The following RELN variants were observed in gnomAD, a reference collection of about 807,000 sequenced individuals.
The protein encoded by RELN is reelin.
RELN carries 108 observed loss-of-function variants against 427.6 expected under a neutral mutation model. The observed-to-expected ratio is 0.25, with a 90% confidence interval of 0.22 to 0.30. RELN has a LOEUF of 0.30. RELN is among the 10% of genes least tolerant of loss of function. RELN has a pLI of 1.00. For synonymous variants in RELN, 1,524 were observed against 1,513.4 expected (o/e 1.01, Z -0.16); for missense variants, 3,715 against 4,302.8 (o/e 0.86, Z 3.82).
chr7:103,544,753 T>G (rs1250095785), intron 42 of RELN, among the ~76,000 whole-genome samples: 2 of 152,232 alleles, frequency 1.3e-5, no homozygotes, highest in African/African-American at 4.8e-5. Context: ...TGAGAGGCTA[T>G]TTAAGCAGTT....
At chr7:103,710,079 TG>T (rs1789755745) in intron 8 of RELN, among the ~76,000 whole-genome samples, 1 of 152,214 alleles carries the variant, frequency 6.6e-6, no homozygotes, top group African/African-American at 2.4e-5. Flanking sequence ...AATTCCAACA[TG>T]TTTGTCATAG....
chr7:103,568,162 T>C (rs1384415120), intron 31 of RELN, among the ~76,000 whole-genome samples: 1 of 152,208 alleles, frequency 6.6e-6, no homozygotes, highest in East Asian at 1.9e-4. Context: ...TTCCCTATTC[T>C]TGACTAACTA....
intron 2 of RELN, among the ~76,000 whole-genome samples, chr7:103,847,308 A>G (rs531704994): frequency 8.5e-4 from 129 of 152,244 alleles, no homozygotes; most frequent in Non-Finnish European, 3.1e-4. Flanking sequence ...CAGCAAACTA[A>G]CACAAGAACA....
chr7:103,652,646 G>C lies in RELN; in HGVS notation c.1668C>G (p.Asp556Glu). 1 of 1,612,944 alleles carries C rather than the reference G, an allele frequency of 6.2e-7. No individual in the cohort carries two copies. The highest frequency in any genetic ancestry group is 8.5e-7 in the Non-Finnish European group (1 of 1,179,290). Reference sequence around the variant, plus strand: ...GGAGAACAGGCAAGACATGGAAAAAGTCTACAGCCCAGACATTCCTATTAT... The same window carrying C: ...GGAGAACAGGCAAGACATGGAAAAACTCTACAGCCCAGACATTCCTATTAT... ...QGHNRNVWAV[D>E]FFHVLPVLPS... The change falls in exon 14 of 65, where the codon GAC (aspartate) becomes GAG (glutamate). Residue 556 changes from aspartate (D) to glutamate (E), a missense_variant. Asp to Glu is a conservative substitution (Grantham distance 45). This residue lies in a region of RELN where 2,208 missense variants were observed against 2,361.7 expected (regional missense o/e 0.93). Transcript: ENST00000428762.
intron 42 of RELN, 88 bp from the exon 43 acceptor site, chr7:103,542,966 A>T (rs202096086): frequency 7.6e-7 from 1 of 1,320,814 alleles, no homozygotes. Context: ...TAAATGCATT[A>T]TGTAGTTTCA....
At chr7:103,892,764 T>C (rs1409714101) in intron 2 of RELN, among the ~76,000 whole-genome samples, 1 of 152,176 alleles carries the variant, frequency 6.6e-6, no homozygotes, top group African/African-American at 2.4e-5. Flanking sequence ...TGGTACACTT[T>C]AAAATATCAT....
At chr7:103,635,671 A>G (rs1832564632) in intron 18 of RELN, 85 bp from the exon 19 acceptor site, 1 of 1,132,378 alleles carries the variant, frequency 8.8e-7, no homozygotes, top group Admixed American at 1.8e-5. Flanking sequence ...ATTTCAAATT[A>G]TGTTTCTACT....
At chr7:103,909,736 T>A (rs1433661203) in intron 2 of RELN, among the ~76,000 whole-genome samples, 1 of 30,778 alleles carries the variant, frequency 3.2e-5, no homozygotes, top group Admixed American at 4.4e-4. Context: ...TATTTTTTAA[T>A]ATATATAAAT....
intron 62 of RELN, 73 bp from the exon 63 acceptor site, chr7:103,483,044 G>T: frequency 8.7e-7 from 1 of 1,148,224 alleles, no homozygotes; most frequent in Non-Finnish European, 1.3e-6. Context: ...ACTTCTAGAT[G>T]TCAAATATTA....
chr7:103,682,061 C>T (rs1028725135), intron 11 of RELN, 55 bp downstream of exon 11: 1 of 1,527,134 alleles, frequency 6.5e-7, no homozygotes, highest in African/African-American at 1.4e-5. Flanking sequence ...AAAACACGTC[C>T]AGTAGAATAA....
At chr7:103,748,096 T>C (rs147248351) in intron 6 of RELN, among the ~76,000 whole-genome samples, 159 of 149,092 alleles carry the variant, frequency 1.1e-3, no homozygotes, top group African/African-American at 3.8e-3. Context: ...GCAAAATGTC[T>C]GAAGGAAAAA....
intron 22 of RELN, among the ~76,000 whole-genome samples, chr7:103,606,403 A>C (rs1464654880): frequency 6.6e-6 from 1 of 152,220 alleles, no homozygotes; most frequent in Non-Finnish European, 1.5e-5. Flanking sequence ...CAAGGCCCCC[A>C]GGACCCTGGT....
chr7:103,961,703 C>G (rs1386722098), intron 1 of RELN, among the ~76,000 whole-genome samples: 2 of 152,146 alleles, frequency 1.3e-5, no homozygotes, highest in Non-Finnish European at 2.9e-5. Context: ...CTCTTATTAC[C>G]TCTAAGGCCT....
intron 53 of RELN, 68 bp from the exon 54 acceptor site, chr7:103,498,320 A>C (rs1828905658): frequency 4.3e-6 from 6 of 1,385,080 alleles, no homozygotes; most frequent in Non-Finnish European, 1.0e-6. Context: ...ATTTAAGAAA[A>C]TACAGAGTGA....
At chr7:103,634,444 G>A (rs1832534698) in intron 19 of RELN, among the ~76,000 whole-genome samples, 1 of 152,120 alleles carries the variant, frequency 6.6e-6, no homozygotes, top group South Asian at 2.1e-4. Context: ...GGAGTGGAAA[G>A]GATCTTTTAG....
chr7:103,861,256 T>A (rs998561774), intron 2 of RELN, among the ~76,000 whole-genome samples: 13 of 152,048 alleles, frequency 8.5e-5, no homozygotes, highest in African/African-American at 1.4e-4. Context: ...TCAAGTTTTT[T>A]AAAAAAATAA....
intron 20 of RELN, among the ~76,000 whole-genome samples, chr7:103,619,876 TTGTG>T (rs372160818): frequency 1.3e-5 from 2 of 150,662 alleles, no homozygotes; most frequent in Non-Finnish European, 3.0e-5. Context: ...ATATGTGTGT[TTGTG>T]TGTGTGTGTG....
intron 2 of RELN, among the ~76,000 whole-genome samples, chr7:103,908,137 T>C (rs1269237075): frequency 6.6e-6 from 1 of 152,108 alleles, no homozygotes; most frequent in Non-Finnish European, 1.5e-5. Context: ...TCCTTACCTA[T>C]ACACTGGGGG....
intron 12 of RELN, among the ~76,000 whole-genome samples, chr7:103,654,867 A>G (rs1387070775): frequency 3.3e-5 from 5 of 152,104 alleles, no homozygotes; most frequent in African/African-American, 1.2e-4. Flanking sequence ...TGAATGACAG[A>G]GCAGGTACTT....
Sources: gnomAD v4.1 joint callset for allele counts (sites outside exome capture counted in the v4.1 genomes callset) on GRCh38, gnomAD v4.1.1 for gene constraint, gnomAD v4.1.1 regional missense constraint, MANE v1.5 for transcripts, NCBI Gene and HGNC (gene_info 2026-07-23, HGNC 2026-07-21) for gene names.